Variants in CRACDL observed in about 807,000 individuals in gnomAD.
The protein encoded by CRACDL is CRACD-like protein.
In CRACDL, 26 loss-of-function variants were observed where a neutral mutation model predicts 70.6. That is an observed-to-expected ratio of 0.37 (90% CI 0.27 to 0.51). The LOEUF is 0.51. CRACDL is among the 20% of genes least tolerant of loss of function. The pLI is 0.94. For missense variants in CRACDL, 1,283 were observed against 1,376.9 expected, an observed-to-expected ratio of 0.93 and a Z score of 1.08; for synonymous variants, 618 against 615.2, an observed-to-expected ratio of 1.00 and a Z score of -0.07.
chr2:98,909,731 A>G (rs552051289), intron 1 of CRACDL, among the ~76,000 whole-genome samples: 1 of 152,316 alleles, frequency 6.6e-6, no homozygotes, highest in East Asian at 1.9e-4. Context: ...GCACACCTCA[A>G]GCCACCTGGC....
intron 7 of CRACDL, among the ~76,000 whole-genome samples, chr2:98,802,120 A>G (rs1233929261): frequency 2.0e-5 from 3 of 152,234 alleles, no homozygotes; most frequent in African/African-American, 7.2e-5. Context: ...TGTGTGTGCC[A>G]GTCTGCCTGC....
intron 1 of CRACDL, among the ~76,000 whole-genome samples, chr2:98,934,673 C>T (rs1171093896): frequency 3.3e-5 from 5 of 152,202 alleles, no homozygotes; most frequent in South Asian, 2.1e-4. Flanking sequence ...AAGAACTTGA[C>T]TCGTGGAGGA....
At chr2:98,826,887 G>C (rs566582366) in intron 6 of CRACDL, 88 bp downstream of exon 6, 1 of 939,410 alleles carries the variant, frequency 1.1e-6, no homozygotes, top group South Asian at 1.5e-5. Context: ...GAGACCCTGT[G>C]TGGGGGAGTG....
chr2:98,795,077 ATTTT>A lies in CRACDL; in HGVS notation c.2750-410_2750-407del, dbSNP rs1181969802. 6.7e-4 allele frequency among the ~76,000 whole-genome samples: 39 copies of A among 58,484 alleles called. 3 individuals are homozygous for A. Among genetic ancestry groups the A allele is most frequent in the African/African-American group, 2.6e-3 (39 of 15,096 alleles). 38.4% of individuals were successfully genotyped at this position (58,484 alleles called of 152,430 possible). A position where few individuals can be genotyped will look rare whatever the true frequency, so the allele number is the denominator to read the frequency against. The stretch of plus-strand genomic sequence containing the variant: ...TATATATATATATATATATATATAT[ATTTT>A]TTTTTTTTTTTGAGACAGAAGTCTC... On this transcript the variant is annotated intron_variant, in intron 9 of 9. Coordinates refer to ENST00000397899, the MANE Select transcript of CRACDL (RefSeq NM_207362.3).
intron 1 of CRACDL, among the ~76,000 whole-genome samples, chr2:98,916,422 A>C (rs1187617245): frequency 1.3e-5 from 2 of 152,216 alleles, no homozygotes; most frequent in Non-Finnish European, 2.9e-5. Context: ...TTGGTTTCAC[A>C]GGTATATACA....
At chr2:98,820,373 T>C (rs896393561) in intron 7 of CRACDL, among the ~76,000 whole-genome samples, 3 of 151,694 alleles carry the variant, frequency 2.0e-5, no homozygotes, top group East Asian at 3.9e-4. Context: ...CTACCAAAAA[T>C]ATAAAAAAAT....
At chr2:98,911,080 C>G (rs1435148923) in intron 1 of CRACDL, among the ~76,000 whole-genome samples, 1 of 152,198 alleles carries the variant, frequency 6.6e-6, no homozygotes, top group Non-Finnish European at 1.5e-5. Flanking sequence ...CAGCAGGCAC[C>G]TGGGTGAGGT....
intron 7 of CRACDL, among the ~76,000 whole-genome samples, chr2:98,798,277 G>A (rs562349657): frequency 6.6e-6 from 1 of 152,074 alleles, no homozygotes; most frequent in South Asian, 2.1e-4. Flanking sequence ...CTTGGGAGGT[G>A]GAGGTTGCAG....
chr2:98,869,757 G>A (rs572015010), intron 1 of CRACDL, among the ~76,000 whole-genome samples: 6 of 152,296 alleles, frequency 3.9e-5, no homozygotes, highest in Admixed American at 1.3e-4. Flanking sequence ...TCGTCTCTGC[G>A]CTGCACACTT....
Position 98,821,931 on chromosome 2 carries a change from T to A in CRACDL, c.2342A>T (p.Asp781Val). 3 of 1,575,564 alleles carry A rather than the reference T, an allele frequency of 1.9e-6. No individual in the cohort carries two copies. Among genetic ancestry groups the A allele is most frequent in the Non-Finnish European group, 2.6e-6 (3 of 1,165,480 alleles). Reference sequence around the variant, plus strand: ...GGGTTCCCGCTCTCCCGGGCCGGCGTCGGGGGGCGCGGGCTGGTGCGGGAG... The same window carrying A: ...GGGTTCCCGCTCTCCCGGGCCGGCGACGGGGGGCGCGGGCTGGTGCGGGAG... ...FTLPHQPAPPDAGPGEREPRK... is the reference protein window; with the variant it reads ...FTLPHQPAPPVAGPGEREPRK... Residue 781 changes from aspartate (D) to valine (V), a missense_variant, in exon 7 of 10, where the codon GAC becomes GTC. Transcript: ENST00000397899.
At chr2:98,887,245 T>C (rs1707823809) in intron 1 of CRACDL, among the ~76,000 whole-genome samples, 1 of 152,112 alleles carries the variant, frequency 6.6e-6, no homozygotes, top group Non-Finnish European at 1.5e-5. Context: ...CCCAGCAGTT[T>C]GGGAAGCTGA....
intron 1 of CRACDL, among the ~76,000 whole-genome samples, chr2:98,894,883 A>G (rs527611217): frequency 2.6e-5 from 4 of 152,168 alleles, no homozygotes; most frequent in African/African-American, 9.6e-5. Context: ...AGGTGGGAGG[A>G]TTACCTGAGC....
At chr2:98,874,904 G>A (rs955564370) in intron 1 of CRACDL, among the ~76,000 whole-genome samples, 15 of 152,046 alleles carry the variant, frequency 9.9e-5, no homozygotes, top group Non-Finnish European at 1.8e-4. Flanking sequence ...GGCTCACCCC[G>A]ATTCTGTTCC....
rs1705040511 is a variant in CRACDL at position 98,821,788 on chromosome 2, A to C, written c.2416+69T>G. On this transcript the variant is annotated intron_variant, in intron 7 of 9. Coordinates refer to ENST00000397899, the MANE Select transcript of CRACDL (RefSeq NM_207362.3). ...TACCAGGAGCATTTGGCGAGTGTCC[A>C]GCAAGATGTGCCCGTGGATGTGGAT... The C allele has an allele frequency of 3.9e-6, 6 of 1,557,482 alleles. No individual in the cohort carries two copies. In the South Asian group the frequency reaches 7.2e-5, roughly 19 times the overall value.
At chr2:98,918,289 T>C (rs1041534098) in intron 1 of CRACDL, among the ~76,000 whole-genome samples, 1 of 152,076 alleles carries the variant, frequency 6.6e-6, no homozygotes, top group African/African-American at 2.4e-5. Context: ...TCCTAGCACT[T>C]TGGGAGGCCA....
At chr2:98,856,395 G>A (rs1307812762) in intron 1 of CRACDL, among the ~76,000 whole-genome samples, 3 of 152,102 alleles carry the variant, frequency 2.0e-5, no homozygotes, top group Non-Finnish European at 4.4e-5. Context: ...ATGAACTAGA[G>A]ATATTCAAGA....
chr2:98,884,547 A>G (rs1314553263), intron 1 of CRACDL, among the ~76,000 whole-genome samples: 1 of 152,114 alleles, frequency 6.6e-6, no homozygotes, highest in Non-Finnish European at 1.5e-5. Flanking sequence ...TCCTATATAC[A>G]CAAAATTGTT....
intron 1 of CRACDL, among the ~76,000 whole-genome samples, chr2:98,928,663 C>T (rs1360079553): frequency 2.0e-5 from 3 of 152,196 alleles, no homozygotes; most frequent in East Asian, 1.9e-4. Context: ...AGAAGCCCCT[C>T]GCACCAGCAC....
chr2:98,904,476 A>T (rs1271875322), intron 1 of CRACDL, among the ~76,000 whole-genome samples: 1 of 152,126 alleles, frequency 6.6e-6, no homozygotes, highest in Non-Finnish European at 1.5e-5. Context: ...AACCCACGTG[A>T]TTGTTCTCAG....
Sources: allele counts gnomAD v4.1 joint callset (sites outside exome capture counted in the v4.1 genomes callset), GRCh38; gene constraint gnomAD v4.1.1; transcripts MANE v1.5; gene names NCBI Gene and HGNC (gene_info 2026-07-23, HGNC 2026-07-21).